UPF2: variants seen among roughly 807,000 people sequenced by gnomAD.
UPF2 encodes regulator of nonsense transcripts 2.
Under a neutral mutation model 141.4 loss-of-function variants are expected in UPF2, and 17 were observed. The observed-to-expected ratio is 0.12, with a 90% CI of 0.08 to 0.18. UPF2 has a LOEUF of 0.18. Ranked by LOEUF, UPF2 falls within the 10% of genes least tolerant of loss-of-function variation. UPF2 has a pLI of 1.00. For synonymous variants in UPF2, 540 were observed against 498.0 expected (o/e 1.08, Z -1.12); for missense variants, 1,152 against 1,515.9 (o/e 0.76, Z 3.99).
Position 11,990,104 on chromosome 10 carries a change from C to A in UPF2, c.1844+7568G>T, listed in dbSNP as rs549554215. Among the ~76,000 whole-genome samples, 4 of 152,296 alleles carry A rather than the reference C, an allele frequency of 2.6e-5. No homozygotes were observed. In the South Asian group the frequency reaches 8.3e-4, roughly 32 times the overall value. On this transcript the variant is annotated intron_variant, in intron 8 of 21. Transcript: ENST00000357604. ...GTCTGGCTGAAGCCACCCAATCTGT[C>A]CAGATTTGCTTCAAGGTAAATTACA...
chr10:12,024,712 C>T (rs907390979), intron 3 of UPF2, among the ~76,000 whole-genome samples: 2 of 151,872 alleles, frequency 1.3e-5, no homozygotes, highest in African/African-American at 2.4e-5. Context: ...GCAGGAGGAT[C>T]GCTTGACCCC....
At chr10:11,938,881 T>TTTTTTTTG (rs1832899958) in intron 18 of UPF2, among the ~76,000 whole-genome samples, 1 of 116,516 alleles carries the variant, frequency 8.6e-6, no homozygotes, top group Non-Finnish European at 1.7e-5. Flanking sequence ...TTTTTTTTTT[T>TTTTTTTTG]TGGAGACGGA....
At chr10:11,938,868 T>TTGTTTGTTTTTTTG (rs1832896411) in intron 18 of UPF2, among the ~76,000 whole-genome samples, 5 of 90,854 alleles carry the variant, frequency 5.5e-5, no homozygotes, top group South Asian at 4.9e-4. Context: ...TTTTTTTTTT[T>TTGTTTGTTTTTTTG]TTTTTTTTTT....
intron 21 of UPF2, among the ~76,000 whole-genome samples, chr10:11,925,062 G>A (rs958048454): frequency 1.3e-5 from 2 of 151,988 alleles, no homozygotes; most frequent in Non-Finnish European, 2.9e-5. Flanking sequence ...CAGGTGATCT[G>A]CCTTCCTCGG....
intron 9 of UPF2, among the ~76,000 whole-genome samples, chr10:11,970,596 G>A (rs893777166): frequency 2.0e-5 from 3 of 152,070 alleles, no homozygotes; most frequent in Non-Finnish European, 4.4e-5. Flanking sequence ...TGGATCACTT[G>A]AGGTCAGGAG....
chr10:11,942,312 G>C (rs576123415), intron 18 of UPF2, among the ~76,000 whole-genome samples: 61 of 152,288 alleles, frequency 4.0e-4, no homozygotes, highest in Admixed American at 1.1e-3. Context: ...GGCAGAGGTT[G>C]CAGTGAGCTG....
rs188457176 is a variant in UPF2, at chr10:12,039,048, C to G, written c.-18-3607G>C. Among the ~76,000 whole-genome samples, 5 of 152,100 alleles carry G rather than the reference C, an allele frequency of 3.3e-5. 1 individual carries two copies. The highest frequency in any genetic ancestry group is 3.3e-4 in the Admixed American group (5 of 15,264). On this transcript the variant is annotated intron_variant, in intron 1 of 21. Transcript: ENST00000357604. Reference sequence around the variant, plus strand: ...ATCCAACTTTAATGTGAAAACATCACGCCCTTAAAGCAAGCAAACTTTCAA... The same window carrying G: ...ATCCAACTTTAATGTGAAAACATCAGGCCCTTAAAGCAAGCAAACTTTCAA...
intron 4 of UPF2, among the ~76,000 whole-genome samples, chr10:12,011,551 G>A (rs1834128043): frequency 6.6e-6 from 1 of 151,202 alleles, no homozygotes; most frequent in African/African-American, 2.4e-5. Flanking sequence ...CAGTGAGCCG[G>A]GACTGCACCA....
At chr10:11,967,208 T>C in intron 10 of UPF2, 133 bp downstream of exon 10, 6 of 513,270 alleles carry the variant, frequency 1.2e-5, no homozygotes, top group Non-Finnish European at 3.3e-6. Flanking sequence ...CACACTTGTT[T>C]AACGTTACTT....
intron 8 of UPF2, among the ~76,000 whole-genome samples, chr10:11,986,350 C>T (rs935430557): frequency 6.6e-6 from 1 of 152,050 alleles, no homozygotes. Flanking sequence ...AAGTATCCTA[C>T]CAGCAGTTAA....
intron 1 of UPF2, among the ~76,000 whole-genome samples, chr10:12,039,105 T>C (rs1834688177): frequency 6.6e-6 from 1 of 152,236 alleles, no homozygotes; most frequent in Admixed American, 6.5e-5. Context: ...CTACTCATGG[T>C]ACCATACTAA....
At chr10:11,945,091 T>C (rs1832984570) in intron 16 of UPF2, among the ~76,000 whole-genome samples, 1 of 152,246 alleles carries the variant, frequency 6.6e-6, no homozygotes. Flanking sequence ...ATTATAAGAA[T>C]GAATCTTGCA....
chr10:11,946,169 T>C (rs1832997587), intron 16 of UPF2, among the ~76,000 whole-genome samples: 1 of 152,206 alleles, frequency 6.6e-6, no homozygotes. Context: ...TTATTGCCTA[T>C]ACTGTCTTTT....
chr10:12,019,566 C>T lies in UPF2; in HGVS notation c.1146-5382G>A, dbSNP rs1834281334. ...CTAGAGAGGTACTTGTCCCCTTTTA[C>T]AGATATAAACAGTAAGTAATGAGAA... On this transcript the variant is annotated intron_variant, in intron 3 of 21. Coordinates refer to ENST00000357604, the MANE Select transcript of UPF2 (RefSeq NM_015542.4). This position sits in a 1 kb window ranked among gnomAD's most constrained non-coding sequence, Gnocchi z 4.5. Among the ~76,000 whole-genome samples the T allele has an allele frequency of 6.6e-6, 1 of 152,166 alleles. No homozygotes were observed. The highest frequency in any genetic ancestry group is 6.5e-5 in the Admixed American group (1 of 15,276).
In UPF2 at chr10:12,035,030, A is replaced by C. The variant is rs753284843; in HGVS notation, c.365+29T>G. On this transcript the variant is annotated intron_variant, in intron 2 of 21. Transcript: ENST00000357604. ...AATATTCCAATCTTCCCATTCCCTC[A>C]CATCAATAAATACAATCAACTGCCT... is the stretch of plus-strand genomic sequence containing the variant. 2.0e-6 allele frequency: 3 copies of C among 1,526,218 alleles called. No homozygotes were observed. In the African/African-American group the frequency reaches 4.2e-5, roughly 21 times the overall value. 94.5% of individuals were successfully genotyped at this position (1,526,218 alleles called of 1,614,324 possible). A position where few individuals can be genotyped will look rare whatever the true frequency, so the allele number is the denominator to read the frequency against.
Position 11,936,670 on chromosome 10 carries a change from C to G in UPF2, c.3421G>C (p.Ala1141Pro). The G allele has an allele frequency of 6.2e-7, 1 of 1,612,768 alleles. No homozygotes were observed. The highest frequency in any genetic ancestry group is 8.5e-7 in the Non-Finnish European group (1 of 1,179,450). ...ESVKVHQLDV[A>P]IPLHLKSQLR... ...TGGCTTTTGAGATGCAAAGGAATGG[C>G]AACATCTAGTTGGTGCACTTTAACA... The change falls in exon 19 of 22, where the codon GCC becomes CCC. Residue 1141 changes from alanine (A) to proline (P), a missense_variant. This residue lies in a region of UPF2 where 202 missense variants were observed against 223.6 expected (regional missense o/e 0.90). Coordinates refer to ENST00000357604, the MANE Select transcript of UPF2 (RefSeq NM_015542.4). The surrounding 1 kb of genome is among the most constrained non-coding windows in gnomAD (Gnocchi z 6.6).
chr10:12,032,884 C>T (rs921334597), intron 2 of UPF2, among the ~76,000 whole-genome samples: 1 of 151,776 alleles, frequency 6.6e-6, no homozygotes, highest in African/African-American at 2.4e-5. Context: ...GTAATGACAG[C>T]TACTCAGGAG....
At chr10:12,036,018 C>T (rs559322494) in intron 1 of UPF2, 43 of 152,330 alleles carry the variant, frequency 2.8e-4, no homozygotes, top group African/African-American at 1.0e-3. Context: ...GATACAAAAA[C>T]TGTTAACTAT....
intron 10 of UPF2, among the ~76,000 whole-genome samples, chr10:11,964,580 T>G (rs1438266025): frequency 1.3e-5 from 2 of 152,242 alleles, no homozygotes; most frequent in Non-Finnish European, 2.9e-5. Context: ...TAAAACAGAT[T>G]GAGACATTTG....
Sources: gnomAD v4.1 joint callset for allele counts (sites outside exome capture counted in the v4.1 genomes callset) on GRCh38, gnomAD v4.1.1 for gene constraint, gnomAD v4.1.1 regional missense constraint, Gnocchi (gnomAD v3.1) non-coding constraint, MANE v1.5 for transcripts, NCBI Gene and HGNC (gene_info 2026-07-23, HGNC 2026-07-21) for gene names.